Variants in PCDHGA2 observed in about 807,000 individuals in gnomAD.
PCDHGA2 encodes protocadherin gamma subfamily A, 2, also known as protocadherin gamma-A2.
PCDHGA2 carries 40 observed loss-of-function variants against 59.2 expected under a neutral mutation model. The ratio of observed to expected loss-of-function variants is 0.68; its 90% CI spans 0.52 to 0.88. The LOEUF (loss-of-function observed/expected upper bound fraction) is 0.88, where lower values mean the gene tolerates loss of function less well. Ranked by LOEUF, PCDHGA2 falls within the 40% of genes least tolerant of loss-of-function variation. The pLI is 0.00. For synonymous variants in PCDHGA2, 560 were observed against 526.0 expected, an observed-to-expected ratio of 1.06 and a Z score of -0.89; for missense variants, 1,226 against 1,204.0, an observed-to-expected ratio of 1.02 and a Z score of -0.27.
chr5:141,493,250 C>T lies in PCDHGA2; in HGVS notation c.2425-1557C>T, dbSNP rs1330348553. On this transcript the variant is annotated intron_variant, in intron 1 of 3. Coordinates refer to ENST00000394576, the MANE Select transcript of PCDHGA2 (RefSeq NM_018915.4). The surrounding 1 kb of genome is among the most constrained non-coding windows in gnomAD (Gnocchi z 4.3). ...TGCTGTTGGCTAGGTACTAACATGC[C>T]TCTCTTATAACAGCTTCACAGAGGT... Among the ~76,000 whole-genome samples the T allele has an allele frequency of 1.3e-5, 2 of 152,154 alleles. No homozygotes were observed. Among genetic ancestry groups the T allele is most frequent in the Non-Finnish European group, 2.9e-5 (2 of 68,024 alleles).
Position 141,340,592 on chromosome 5 carries a change from C to G in PCDHGA2, c.1621C>G (p.Pro541Ala). ...GATAGCGCGGGACAGCGGGAACCCT[C>G]CACTCAGTAGCAATGTATCATTAAG... is the stretch of plus-strand genomic sequence containing the variant. The part of the protein sequence containing the change: ...WVIARDSGNP[P>A]LSSNVSLSLF... Residue 541 changes from proline to alanine, a missense_variant, in exon 1 of 4, where the codon CCA becomes GCA. Physicochemically the swap from Pro to Ala is conservative, Grantham distance 27 (BLOSUM62 -1). Transcript: ENST00000394576. 1 of 1,614,228 alleles carries G rather than the reference C, an allele frequency of 6.2e-7. No individual in the cohort carries two copies. The highest frequency in any genetic ancestry group is 2.2e-5 in the East Asian group (1 of 44,872).
At chr5:141,382,318 T>A (rs1233432296) in intron 1 of PCDHGA2, among the ~76,000 whole-genome samples, 1 of 152,250 alleles carries the variant, frequency 6.6e-6, no homozygotes, top group African/African-American at 2.4e-5. Context: ...TACACTGATG[T>A]AAATATTTTC....
At chr5:141,362,131 G>A in intron 1 of PCDHGA2, 2 of 1,614,048 alleles carry the variant, frequency 1.2e-6, no homozygotes, top group Non-Finnish European at 1.7e-6. Flanking sequence ...AATCTTCGCG[G>A]ATAGCCTGCA....
At chr5:141,371,709 A>G in intron 1 of PCDHGA2, 1 of 1,613,916 alleles carries the variant, frequency 6.2e-7, no homozygotes, top group East Asian at 2.2e-5. Context: ...CAAGACCATC[A>G]CTCTGCACAT....
chr5:141,482,530 CAAAAA>C (rs3074545), intron 1 of PCDHGA2, among the ~76,000 whole-genome samples: 1 of 76,558 alleles, frequency 1.3e-5, no homozygotes, highest in African/African-American at 4.8e-5. Context: ...GACAGACATG[CAAAAA>C]AAAAAAAAAA....
In PCDHGA2 at chr5:141,339,197, G is replaced by T. The variant is rs2149721107; in HGVS notation, c.226G>T (p.Ala76Ser). The change falls in exon 1 of 4, where the codon GCT becomes TCT. Residue 76 changes from alanine to serine, a missense_variant. Physicochemically the swap from Ala to Ser is moderately conservative, Grantham distance 99. Coordinates refer to ENST00000394576, the MANE Select transcript of PCDHGA2 (RefSeq NM_018915.4). ...IVSRGRSQLF[A>S]LNPRSGSLVT... ...CTCCAGAGGTAGGTCCCAGCTCTTT[G>T]CTCTGAACCCGCGAAGCGGCAGCTT... 4 of 1,614,116 alleles carry T rather than the reference G, an allele frequency of 2.5e-6. No individual in the cohort carries two copies. Among genetic ancestry groups the T allele is most frequent in the South Asian group, 1.1e-5 (1 of 91,078 alleles).
chr5:141,485,827 G>A lies in PCDHGA2; in HGVS notation c.2425-8980G>A. 1 of 1,614,154 alleles carries A rather than the reference G, an allele frequency of 6.2e-7. No individual in the cohort carries two copies. The highest frequency in any genetic ancestry group is 1.1e-5 in the South Asian group (1 of 91,080). On this transcript the variant is annotated intron_variant, in intron 1 of 3. Coordinates refer to ENST00000394576, the MANE Select transcript of PCDHGA2 (RefSeq NM_018915.4). The surrounding 1 kb of genome is among the most constrained non-coding windows in gnomAD (Gnocchi z 5.7). Reference sequence around the variant, plus strand: ...TGGTGCTGACTGCTGTCGATGGAGGGAACCCGCCGAGATCTGGCACCGCAG... The same window carrying A: ...TGGTGCTGACTGCTGTCGATGGAGGAAACCCGCCGAGATCTGGCACCGCAG...
chr5:141,511,730 T>C lies in PCDHGA2; in HGVS notation c.*557T>C, dbSNP rs772107999. 5.1e-5 allele frequency: 9 copies of C among 177,790 alleles called. No homozygotes were observed. The highest frequency in any genetic ancestry group is 5.3e-5 in the Admixed American group (1 of 18,706). The allele number at this position is 177,790 out of a possible 1,614,324, so 11.0% of individuals were successfully genotyped here. On this transcript the variant is annotated 3_prime_UTR_variant, in exon 4 of 4. Transcript: ENST00000394576. ...ACCTCCTTCCAGAGCCCAAGATCAA[T>C]GCTCAAGTTTTGGAGGACATGATCA...
chr5:141,397,087 A>G (rs1386683594), intron 1 of PCDHGA2, among the ~76,000 whole-genome samples: 3 of 152,240 alleles, frequency 2.0e-5, no homozygotes, highest in African/African-American at 7.2e-5. Context: ...AAGTCATTTC[A>G]GATAGGATAA....
chr5:141,366,311 ACCGTTG>A (rs1051076797), intron 1 of PCDHGA2: 10 of 1,613,648 alleles, frequency 6.2e-6, no homozygotes, highest in Non-Finnish European at 6.8e-6. Flanking sequence ...CTTCACGGTC[ACCGTTG>A]CCGTGGCCGA....
At chr5:141,492,822 C>T (rs1241767956) in intron 1 of PCDHGA2, among the ~76,000 whole-genome samples, 1 of 152,238 alleles carries the variant, frequency 6.6e-6, no homozygotes, top group Non-Finnish European at 1.5e-5. Context: ...GCACCAGCGG[C>T]CCCTTCCTCC....
At chr5:141,376,594 G>A in intron 1 of PCDHGA2, 2 of 1,525,706 alleles carry the variant, frequency 1.3e-6, no homozygotes, top group Non-Finnish European at 1.8e-6. Flanking sequence ...TAGATCGGCT[G>A]TTATAGAAGC....
chr5:141,391,780 T>C (rs1004185174), intron 1 of PCDHGA2: 1 of 152,220 alleles, frequency 6.6e-6, no homozygotes, highest in Non-Finnish European at 1.5e-5. Context: ...TAGTCATTAC[T>C]TTTTGCAGTT....
chr5:141,344,299 G>A lies in PCDHGA2; in HGVS notation c.2424+2904G>A, dbSNP rs776796046. Reference sequence around the variant, plus strand: ...AGCGGCAGCTTGGTCACCGCGGAGAGGATAGACCGGGAGGAGCTCTGCGCT... The same window carrying A: ...AGCGGCAGCTTGGTCACCGCGGAGAAGATAGACCGGGAGGAGCTCTGCGCT... On this transcript the variant is annotated intron_variant, in intron 1 of 3. Coordinates refer to ENST00000394576, the MANE Select transcript of PCDHGA2 (RefSeq NM_018915.4). 14 of 1,614,080 alleles carry A rather than the reference G, an allele frequency of 8.7e-6. No homozygotes were observed. Among genetic ancestry groups the A allele is most frequent in the Admixed American group, 1.7e-5 (1 of 60,032 alleles).
At chr5:141,459,710 C>T (rs2098973565) in intron 1 of PCDHGA2, among the ~76,000 whole-genome samples, 1 of 152,204 alleles carries the variant, frequency 6.6e-6, no homozygotes, top group Non-Finnish European at 1.5e-5. Flanking sequence ...CATTTTCTCA[C>T]CAATGCTTCC....
chr5:141,373,895 T>TA, intron 1 of PCDHGA2: 1 of 534,638 alleles, frequency 1.9e-6, no homozygotes, highest in Non-Finnish European at 3.1e-6. Flanking sequence ...AAACTCAAGT[T>TA]ACATCCTCCA....
At chr5:141,375,512 C>G in intron 1 of PCDHGA2, 3 of 1,614,054 alleles carry the variant, frequency 1.9e-6, no homozygotes, top group Non-Finnish European at 2.5e-6. Flanking sequence ...TGTGAATGCA[C>G]TGGACCCTGA....
intron 1 of PCDHGA2, chr5:141,492,023 C>T: frequency 1.8e-6 from 1 of 564,804 alleles, no homozygotes; most frequent in Non-Finnish European, 3.0e-6. Context: ...TCGGGGGTCC[C>T]GGGAGGAGGC....
intron 1 of PCDHGA2, among the ~76,000 whole-genome samples, chr5:141,455,860 A>T (rs1032468147): frequency 1.4e-5 from 2 of 139,848 alleles, no homozygotes; most frequent in South Asian, 2.3e-4. Context: ...AATTTCTTTT[A>T]TTATTTATTT....
Sources: gnomAD v4.1 joint callset for allele counts (sites outside exome capture counted in the v4.1 genomes callset) on GRCh38, gnomAD v4.1.1 for gene constraint, Gnocchi (gnomAD v3.1) non-coding constraint, MANE v1.5 for transcripts, NCBI Gene and HGNC (gene_info 2026-07-23, HGNC 2026-07-21) for gene names.